DPP6: variants seen among roughly 807,000 people sequenced by gnomAD.
The protein encoded by DPP6 is A-type potassium channel modulatory protein DPP6.
Under a neutral mutation model 122.6 loss-of-function variants are expected in DPP6, and 69 were observed. The ratio of observed to expected loss-of-function variants is 0.56; its 90% CI spans 0.46 to 0.69. The LOEUF (loss-of-function observed/expected upper bound fraction) is 0.69, where lower values mean the gene tolerates loss of function less well. DPP6 is among the 30% of genes least tolerant of loss of function. The probability of loss-of-function intolerance (pLI) is 0.00; values close to 1 mark genes in which losing one functional copy is unlikely to be tolerated. For missense variants in DPP6, 928 were observed against 1,116.9 expected, an observed-to-expected ratio of 0.83 and a Z score of 2.41; for synonymous variants, 418 against 433.1, an observed-to-expected ratio of 0.97 and a Z score of 0.43.
At chr7:153,926,814 GAA>G in intron 1 of DPP6, among the ~76,000 whole-genome samples, 1 of 147,674 alleles carries the variant, frequency 6.8e-6, no homozygotes, top group Admixed American at 6.8e-5. Flanking sequence ...GTAAAAAAAA[GAA>G]AAAAAAAAAT....
At chr7:153,917,407 T>C (rs562965686) in intron 1 of DPP6, among the ~76,000 whole-genome samples, 1 of 152,308 alleles carries the variant, frequency 6.6e-6, no homozygotes, top group East Asian at 1.9e-4. Context: ...CAGATGAACT[T>C]GGGCAGTGTT....
intron 3 of DPP6, among the ~76,000 whole-genome samples, chr7:154,492,401 G>A (rs565833657): frequency 8.5e-5 from 13 of 152,232 alleles, no homozygotes; most frequent in East Asian, 3.9e-4. Flanking sequence ...ATTTGTGCCC[G>A]CAGTGCATGT....
intron 1 of DPP6, among the ~76,000 whole-genome samples, chr7:154,129,446 C>T (rs1444853847): frequency 1.3e-5 from 2 of 152,326 alleles, no homozygotes; most frequent in East Asian, 3.9e-4. Context: ...CTAGCTCCTT[C>T]CCTGTTGACT....
intron 1 of DPP6, among the ~76,000 whole-genome samples, chr7:154,255,519 C>A (rs1416944165): frequency 6.6e-6 from 1 of 152,006 alleles, no homozygotes; most frequent in Non-Finnish European, 1.5e-5. Flanking sequence ...CAGAGCACAC[C>A]TGGAAGCCAG....
intron 1 of DPP6, among the ~76,000 whole-genome samples, chr7:154,376,793 A>G (rs1302294066): frequency 6.6e-6 from 1 of 152,196 alleles, no homozygotes; most frequent in Non-Finnish European, 1.5e-5. Flanking sequence ...TGCCCATACA[A>G]TAGGCTGTAA....
intron 1 of DPP6, among the ~76,000 whole-genome samples, chr7:153,986,871 T>C (rs2969658): frequency 0.7 from 105,066 of 149,892 alleles, 37,310 homozygotes; most frequent in African/African-American, 0.74. Context: ...CACGTTGCAC[T>C]GAGATGGCCC....
chr7:154,536,148 G>A (rs1385111752), intron 3 of DPP6, among the ~76,000 whole-genome samples: 1 of 152,084 alleles, frequency 6.6e-6, no homozygotes, highest in Non-Finnish European at 1.5e-5. Context: ...GAATAACATG[G>A]ATAAATCTCA....
At chr7:154,285,678 A>G (rs1323953519) in intron 1 of DPP6, among the ~76,000 whole-genome samples, 4 of 152,248 alleles carry the variant, frequency 2.6e-5, no homozygotes, top group Non-Finnish European at 4.4e-5. Flanking sequence ...ACCTAAGGAA[A>G]TTTATACATT....
chr7:153,804,761 G>A, the DPP6 span, among the ~76,000 whole-genome samples: 2 of 152,172 alleles, frequency 1.3e-5, no homozygotes, highest in East Asian at 3.9e-4. Context: ...GTGGGCACCT[G>A]TAATCCCAGC....
rs1554407315 is a variant in DPP6, at chr7:153,918,993, A to AG, written c.51+31259_51+31260insG. ...GACTCTGTCTCAAAAAAAAAAAAAA[A>AG]AAAAGAAAATTTGAGTAATAAAATC... is the stretch of plus-strand genomic sequence containing the variant. On this transcript the variant is annotated intron_variant, in intron 1 of 25. Coordinates refer to the DPP6 transcript ENST00000404039. 4.0e-5 allele frequency among the ~76,000 whole-genome samples: 6 copies of AG among 151,690 alleles called. No homozygotes were observed. In the South Asian group the frequency reaches 1.0e-3, roughly 26 times the overall value.
chr7:153,896,239 CAG>C (rs551672462), intron 1 of DPP6, among the ~76,000 whole-genome samples: 30 of 152,336 alleles, frequency 2.0e-4, no homozygotes, highest in African/African-American at 6.5e-4. Flanking sequence ...CCTCCACTGA[CAG>C]AAACTCAACT....
At chr7:153,848,715 T>G in the DPP6 span, among the ~76,000 whole-genome samples, 1 of 152,202 alleles carries the variant, frequency 6.6e-6, no homozygotes, top group East Asian at 1.9e-4. Context: ...TTCAAATCAT[T>G]ATTATAGTTC....
chr7:154,640,189 G>T (rs192823755), intron 6 of DPP6, among the ~76,000 whole-genome samples: 64 of 152,264 alleles, frequency 4.2e-4, no homozygotes, highest in African/African-American at 1.5e-3. Flanking sequence ...GAGGCTAGAG[G>T]TTGCAGTGAG....
intron 1 of DPP6, among the ~76,000 whole-genome samples, chr7:154,138,021 C>T (rs1795664200): frequency 6.6e-6 from 1 of 152,176 alleles, no homozygotes. Flanking sequence ...TAGGGTGTTT[C>T]TGCAGAAAAA....
chr7:153,980,901 GGTCTGAGAGACT>G (rs1796550077), intron 1 of DPP6, among the ~76,000 whole-genome samples: 1 of 152,094 alleles, frequency 6.6e-6, no homozygotes, highest in Non-Finnish European at 1.5e-5. Context: ...ATTGTGCCGT[GGTCTGAGAGACT>G]GTTCGCTTTA....
At chr7:154,200,487 T>C (rs1799115590) in intron 1 of DPP6, among the ~76,000 whole-genome samples, 1 of 152,136 alleles carries the variant, frequency 6.6e-6, no homozygotes, top group Non-Finnish European at 1.5e-5. Context: ...GAGTCTTTAA[T>C]AAACACTGAG....
chr7:154,879,910 G>C (rs1240491711), intron 20 of DPP6, among the ~76,000 whole-genome samples: 2 of 152,216 alleles, frequency 1.3e-5, no homozygotes, highest in Non-Finnish European at 2.9e-5. Flanking sequence ...CACGTGGAGG[G>C]CACAGCGCAC....
At chr7:154,808,337 A>G (rs1239175934) in intron 16 of DPP6, among the ~76,000 whole-genome samples, 1 of 152,168 alleles carries the variant, frequency 6.6e-6, no homozygotes, top group African/African-American at 2.4e-5. Context: ...GCTCAACACA[A>G]GCTCAGCCCC....
At chr7:154,548,753 G>A (rs1829407392) in intron 4 of DPP6, among the ~76,000 whole-genome samples, 1 of 152,142 alleles carries the variant, frequency 6.6e-6, no homozygotes, top group Non-Finnish European at 1.5e-5. Flanking sequence ...CTCTTATGTA[G>A]CTTTCAGCCT....
Sources: gnomAD v4.1 joint callset for allele counts (sites outside exome capture counted in the v4.1 genomes callset) on GRCh38, gnomAD v4.1.1 for gene constraint, MANE v1.5 for transcripts, NCBI Gene and HGNC (gene_info 2026-07-23, HGNC 2026-07-21) for gene names.